MALRD1: variants seen among roughly 807,000 people sequenced by gnomAD.
The protein encoded by MALRD1 is MAM and LDL receptor class A domain containing 1.
MALRD1 carries 247 observed loss-of-function variants against 242.1 expected under a neutral mutation model. The ratio of observed to expected loss-of-function variants is 1.02; its 90% CI spans 0.92 to 1.13. The LOEUF is 1.13. Among genes scored for constraint, MALRD1 ranks in the 50% most tolerant of loss-of-function variants. MALRD1 has a pLI of 0.00. For synonymous variants in MALRD1, 995 were observed against 866.6 expected, an observed-to-expected ratio of 1.15 and a Z score of -2.60; for missense variants, 2,989 against 2,533.1, an observed-to-expected ratio of 1.18 and a Z score of -3.86.
intron 5 of MALRD1, among the ~76,000 whole-genome samples, chr10:19,112,173 A>G (rs1206320509): frequency 2.0e-5 from 3 of 148,466 alleles, no homozygotes; most frequent in Admixed American, 2.0e-4. Flanking sequence ...TTTTTTTATG[A>G]AGCCAGTAGA....
chr10:19,166,564 G>T (rs1197476112), intron 13 of MALRD1, among the ~76,000 whole-genome samples: 1 of 152,150 alleles, frequency 6.6e-6, no homozygotes, highest in Non-Finnish European at 1.5e-5. Flanking sequence ...AAAATATTTA[G>T]GGGATAAGAT....
chr10:19,557,692 A>G (rs1224860953), intron 32 of MALRD1, among the ~76,000 whole-genome samples: 2 of 151,564 alleles, frequency 1.3e-5, no homozygotes, highest in African/African-American at 4.9e-5. Context: ...TATGATGTCT[A>G]AAGTCTGGTA....
chr10:19,366,981 AT>A (rs1298007955), intron 26 of MALRD1, among the ~76,000 whole-genome samples: 2 of 152,302 alleles, frequency 1.3e-5, no homozygotes, highest in South Asian at 4.2e-4. Flanking sequence ...TGCATTTAAA[AT>A]TTTTTTAAAT....
chr10:19,577,995 G>C (rs905766828), intron 33 of MALRD1, among the ~76,000 whole-genome samples: 2 of 152,028 alleles, frequency 1.3e-5, no homozygotes. Context: ...GGCTATGAGA[G>C]GCTACATTTA....
At position 19,238,696 on chromosome 10, in the gene MALRD1, G is replaced by T. The variant is rs1470251014; in HGVS notation, c.2992-18988G>T. Among the ~76,000 whole-genome samples, 10 of 148,064 alleles carry T rather than the reference G, an allele frequency of 6.8e-5. No homozygotes were observed. In the East Asian group the frequency reaches 1.6e-3, roughly 23 times the overall value. ...AGTGCAGATATTTTTCAAACACAATGATTTCATTTCCTATGGATATATACC... is the reference window on the plus strand; with the variant it reads ...AGTGCAGATATTTTTCAAACACAATTATTTCATTTCCTATGGATATATACC... On this transcript the variant is annotated intron_variant, in intron 18 of 39. Coordinates refer to ENST00000454679, the MANE Select transcript of MALRD1 (RefSeq NM_001142308.3).
At chr10:19,237,528 A>G (rs181881951) in intron 18 of MALRD1, among the ~76,000 whole-genome samples, 1 of 131,960 alleles carries the variant, frequency 7.6e-6, no homozygotes, top group South Asian at 2.2e-4. Context: ...ATATATATAT[A>G]TATATATAAT....
At chr10:19,154,093 C>T (rs1294414087) in intron 11 of MALRD1, among the ~76,000 whole-genome samples, 2 of 152,136 alleles carry the variant, frequency 1.3e-5, no homozygotes, top group African/African-American at 4.8e-5. Context: ...CTCGCATGCA[C>T]TGTTTCCATT....
intron 14 of MALRD1, among the ~76,000 whole-genome samples, chr10:19,181,770 G>C (rs1026918814): frequency 1.3e-5 from 2 of 152,078 alleles, no homozygotes; most frequent in African/African-American, 4.8e-5. Context: ...TGAGATAATG[G>C]ATAATTTGCC....
chr10:19,709,394 G>A (rs948817202), intron 38 of MALRD1, among the ~76,000 whole-genome samples: 1 of 152,084 alleles, frequency 6.6e-6, no homozygotes, highest in Non-Finnish European at 1.5e-5. Context: ...CTGCACTCTA[G>A]CCTGGGTGAT....
chr10:19,203,711 A>G lies in MALRD1; in HGVS notation c.1952-17A>G. ...AGTTTGGAGAGCCAACATAAGAGCC[A>G]CATTTTTGTTCTTCAGTTTCCAAGT... On this transcript the variant is annotated splice_polypyrimidine_tract_variant and intron_variant, in intron 14 of 39. Transcript: ENST00000454679. 6.6e-7 allele frequency: 1 copy of G among 1,512,850 alleles called. No homozygotes were observed. Among genetic ancestry groups the G allele is most frequent in the East Asian group, 2.5e-5 (1 of 40,498 alleles). 93.7% of individuals were successfully genotyped at this position (1,512,850 alleles called of 1,614,324 possible).
chr10:19,425,471 C>G (rs1388613715), intron 28 of MALRD1, among the ~76,000 whole-genome samples: 1 of 151,988 alleles, frequency 6.6e-6, no homozygotes, highest in Non-Finnish European at 1.5e-5. Context: ...TACATGGATC[C>G]ATACCCACAC....
chr10:19,409,423 C>G (rs956456560), intron 28 of MALRD1, among the ~76,000 whole-genome samples: 1 of 151,888 alleles, frequency 6.6e-6, no homozygotes, highest in Non-Finnish European at 1.5e-5. Context: ...CCAATGCACT[C>G]TAGCCTCGGC....
At chr10:19,478,884 G>C (rs1027032131) in intron 29 of MALRD1, among the ~76,000 whole-genome samples, 1 of 152,176 alleles carries the variant, frequency 6.6e-6, no homozygotes, top group East Asian at 1.9e-4. Flanking sequence ...TTCAATGGTT[G>C]AGAGCCTTTT....
intron 21 of MALRD1, among the ~76,000 whole-genome samples, chr10:19,288,032 G>GT (rs35605890): frequency 6.6e-6 from 1 of 151,400 alleles, no homozygotes; most frequent in African/African-American, 2.4e-5. Context: ...AATTTAATGG[G>GT]TTTTTTCAAG....
intron 26 of MALRD1, among the ~76,000 whole-genome samples, chr10:19,359,207 C>T (rs1049710792): frequency 1.3e-5 from 2 of 152,008 alleles, no homozygotes; most frequent in Admixed American, 1.3e-4. Context: ...CATATTCCAC[C>T]GAATATTTTC....
At chr10:19,239,551 T>C (rs1838664273) in intron 18 of MALRD1, among the ~76,000 whole-genome samples, 1 of 152,170 alleles carries the variant, frequency 6.6e-6, no homozygotes, top group Admixed American at 6.6e-5. Flanking sequence ...TTTTGACGTC[T>C]CATTTAAAAA....
At chr10:19,060,388 A>C (rs532445095) in intron 1 of MALRD1, among the ~76,000 whole-genome samples, 1 of 152,298 alleles carries the variant, frequency 6.6e-6, no homozygotes, top group African/African-American at 2.4e-5. Flanking sequence ...CCATCGACAC[A>C]AGGTGAACAC....
chr10:19,496,023 A>T (rs1048158726), intron 30 of MALRD1, among the ~76,000 whole-genome samples: 1 of 152,206 alleles, frequency 6.6e-6, no homozygotes, highest in Admixed American at 6.5e-5. Context: ...AGACCTAACT[A>T]TCCTAAATAT....
In MALRD1 at chr10:19,530,327, AAATATAT is replaced by A. The variant is rs1413791700; in HGVS notation, c.5321-861_5321-855del. Among the ~76,000 whole-genome samples the A allele has an allele frequency of 0.01, 571 of 56,792 alleles. 8 individuals are homozygous for A. The East Asian group carries it at 0.13, about 13-fold the overall frequency. The allele number at this position is 56,792 out of a possible 152,430, so 37.3% of individuals were successfully genotyped here. A position where few individuals can be genotyped will look rare whatever the true frequency, so the allele number is the denominator to read the frequency against. On this transcript the variant is annotated intron_variant, in intron 31 of 39. Coordinates refer to ENST00000454679, the MANE Select transcript of MALRD1 (RefSeq NM_001142308.3). ...ATTGTTGAAATGTTGAAATTTATAT[AAATATAT>A]AATATTTATATAAATATATAATATT... is the stretch of plus-strand genomic sequence containing the variant.
Sources: gnomAD v4.1 joint callset for allele counts (sites outside exome capture counted in the v4.1 genomes callset) on GRCh38, gnomAD v4.1.1 for gene constraint, MANE v1.5 for transcripts, NCBI Gene and HGNC (gene_info 2026-07-23, HGNC 2026-07-21) for gene names.